The following RAB9B variants were observed in gnomAD, a reference collection of about 807,000 sequenced individuals.
RAB9B encodes the protein ras-related protein Rab-9B.
Under a neutral mutation model 8.9 loss-of-function variants are expected in RAB9B, and 1 was observed. The ratio of observed to expected loss-of-function variants is 0.11; its 90% CI spans 0.04 to 0.53. RAB9B has a LOEUF of 0.53. Among genes scored for constraint, RAB9B ranks in the 20% least tolerant of loss-of-function variants. The pLI is 0.93. For synonymous variants in RAB9B, 63 were observed against 57.0 expected, an observed-to-expected ratio of 1.10 and a Z score of -0.47; for missense variants, 82 against 152.9, an observed-to-expected ratio of 0.54 and a Z score of 2.45.
the RAB9B span, chrX:103,792,228 A>G: frequency 3.6e-5 from 4 of 111,957 alleles, no homozygotes; most frequent in African/African-American, 1.3e-4. Context: ...TTTCAGCAAT[A>G]TTTAAGGAGA....
At chrX:103,820,776 C>T (rs973303731), downstream of RAB9B, among the ~76,000 whole-genome samples, 25 of 110,489 alleles carry the variant, frequency 2.3e-4, no homozygotes, top group African/African-American at 8.3e-4. Flanking sequence ...ATGGTGAAGC[C>T]CTGTCTCTAC....
chrX:103,805,665 G>T, the RAB9B span, among the ~76,000 whole-genome samples: 11 of 111,352 alleles, frequency 9.9e-5, no homozygotes, highest in Non-Finnish European at 2.1e-4. Context: ...TTCTTCTTCA[G>T]TCAGGCTTGG....
chrX:103,795,627 C>T, the RAB9B span, among the ~76,000 whole-genome samples: 3 of 111,764 alleles, frequency 2.7e-5, no homozygotes, highest in South Asian at 3.7e-4. Context: ...TTCCATGTCC[C>T]CAACATGTAC....
At chrX:103,785,917 C>A in the RAB9B span, 1 of 709,048 alleles carries the variant, frequency 1.4e-6, no homozygotes, top group Non-Finnish European at 2.1e-6. Flanking sequence ...CAGATCTCTC[C>A]TGCTCCACAT....
chrX:103,784,890 G>A, the RAB9B span, among the ~76,000 whole-genome samples: 9 of 112,216 alleles, frequency 8.0e-5, no homozygotes, highest in Admixed American at 2.8e-4. Flanking sequence ...TGGGCATATA[G>A]TGAGTATTCC....
At chrX:103,828,390 A>G (rs1365190998) in intron 1 of RAB9B, among the ~76,000 whole-genome samples, 1 of 112,392 alleles carries the variant, frequency 8.9e-6, no homozygotes, top group Non-Finnish European at 1.9e-5. Flanking sequence ...CTTTGGAATT[A>G]GCTCAAGTAA....
chrX:103,794,274 C>G, the RAB9B span, among the ~76,000 whole-genome samples: 1 of 111,483 alleles, frequency 9.0e-6, no homozygotes, highest in Non-Finnish European at 1.9e-5. Context: ...TCACGTGGCT[C>G]TGGGTTTTTA....
At chrX:103,830,883 C>G (rs2074700913) in intron 1 of RAB9B, among the ~76,000 whole-genome samples, 1 of 111,872 alleles carries the variant, frequency 8.9e-6, no homozygotes, top group Non-Finnish European at 1.9e-5. Flanking sequence ...GGCAGAAAAG[C>G]AAATTCGCAT....
At chrX:103,794,756 A>G in the RAB9B span, among the ~76,000 whole-genome samples, 1 of 112,244 alleles carries the variant, frequency 8.9e-6, no homozygotes, top group Non-Finnish European at 1.9e-5. Context: ...CCATTCCTAC[A>G]TCAATAAGCA....
downstream of RAB9B, among the ~76,000 whole-genome samples, chrX:103,819,211 C>T (rs1247590876): frequency 8.9e-6 from 1 of 111,748 alleles, no homozygotes; most frequent in African/African-American, 3.3e-5. Flanking sequence ...TTCATTAAGG[C>T]AGCATTTCCC....
chrX:103,784,034 G>T, the RAB9B span, among the ~76,000 whole-genome samples: 3 of 112,233 alleles, frequency 2.7e-5, no homozygotes, highest in South Asian at 7.4e-4. Context: ...GGATCTGGCC[G>T]AGAGGCCAGA....
At chrX:103,784,363 A>C in the RAB9B span, among the ~76,000 whole-genome samples, 1 of 111,869 alleles carries the variant, frequency 8.9e-6, no homozygotes, top group African/African-American at 3.2e-5. Context: ...ACAGAATCTC[A>C]GCGTATAACT....
At chrX:103,813,740 G>A in the RAB9B span, among the ~76,000 whole-genome samples, 1 of 4,265 alleles carries the variant, frequency 2.3e-4, no homozygotes, top group African/African-American at 1.4e-3. Flanking sequence ...CATGCAAATG[G>A]AAAGCAAAAA....
the RAB9B span, among the ~76,000 whole-genome samples, chrX:103,811,336 A>G: frequency 8.9e-6 from 1 of 112,052 alleles, no homozygotes. Context: ...GAAATAGAAT[A>G]TTGTGGTTAA....
chrX:103,825,204 G>T lies in RAB9B; in HGVS notation c.581C>A (p.Ser194Tyr), dbSNP rs2074678793. Residue 194 changes from serine to tyrosine, a missense_variant, in exon 3 of 3, where the codon TCC becomes TAC. Transcript: ENST00000243298. The part of the protein sequence containing the change: ...LGHTIDLNSG[S>Y]KAGSSCC ...TTAACAGCACGAAGACCCTGCTTTG[G>T]AGCCACTGTTCAAGTCAATGGTGTG... 1 of 1,207,545 alleles carries T rather than the reference G, an allele frequency of 8.3e-7. No individual in the cohort carries two copies. Among genetic ancestry groups the T allele is most frequent in the African/African-American group, 1.8e-5 (1 of 56,759 alleles).
chrX:103,814,720 A>T, the RAB9B span, among the ~76,000 whole-genome samples: 3 of 111,901 alleles, frequency 2.7e-5, no homozygotes, highest in East Asian at 8.4e-4. Context: ...AAGAGAGAAG[A>T]ATCAAATACA....
chrX:103,825,886 C>T, intron 2 of RAB9B, 60 bp from the exon 3 acceptor site: 1 of 895,332 alleles, frequency 1.1e-6, no homozygotes, highest in South Asian at 2.7e-5. Context: ...AAATCAACTT[C>T]ATAGCAAATT....
chrX:103,790,418 C>T, the RAB9B span: 1 of 635,941 alleles, frequency 1.6e-6, no homozygotes. Context: ...GGGTTTTTCC[C>T]TTATTTAGTT....
At chrX:103,798,900 A>G in the RAB9B span, among the ~76,000 whole-genome samples, 3 of 108,968 alleles carry the variant, frequency 2.8e-5, no homozygotes, top group East Asian at 8.5e-4. Flanking sequence ...TCAGCCTCCC[A>G]AAGTGCTGGG....
Sources: gnomAD v4.1 joint callset for allele counts (sites outside exome capture counted in the v4.1 genomes callset) on GRCh38, gnomAD v4.1.1 for gene constraint, MANE v1.5 for transcripts, NCBI Gene and HGNC (gene_info 2026-07-23, HGNC 2026-07-21) for gene names.